MAF: variants seen among roughly 807,000 people sequenced by gnomAD.
MAF encodes transcription factor Maf.
In MAF, 10 loss-of-function variants were observed where a neutral mutation model predicts 22.0. That is an observed-to-expected ratio of 0.45 (90% CI 0.28 to 0.77). MAF has a LOEUF of 0.77. Among genes scored for constraint, MAF ranks in the 30% least tolerant of loss-of-function variants. The pLI, the probability that MAF is intolerant of heterozygous loss-of-function variation, is 0.12. For synonymous variants in MAF, 337 were observed against 255.8 expected (o/e 1.32, Z -3.03); for missense variants, 544 against 548.4 (o/e 0.99, Z 0.08).
the MAF span, among the ~76,000 whole-genome samples, chr16:79,368,127 T>G: frequency 1.3e-5 from 2 of 152,312 alleles, no homozygotes; most frequent in South Asian, 4.1e-4. Flanking sequence ...GAGAGGATCT[T>G]TGGCTCCAGA....
the MAF span, among the ~76,000 whole-genome samples, chr16:79,346,050 T>G: frequency 6.6e-6 from 1 of 152,148 alleles, no homozygotes; most frequent in Non-Finnish European, 1.5e-5. Context: ...TTTTATACTT[T>G]AAGTTCTAGG....
the MAF span, among the ~76,000 whole-genome samples, chr16:79,255,559 G>T: frequency 6.6e-6 from 1 of 152,174 alleles, no homozygotes; most frequent in African/African-American, 2.4e-5. Flanking sequence ...GCCAGAAGGG[G>T]CCTTGGAGCT....
chr16:79,557,115 C>T, the MAF span, among the ~76,000 whole-genome samples: 2 of 151,898 alleles, frequency 1.3e-5, no homozygotes, highest in East Asian at 1.9e-4. Context: ...ACCCAGCTCA[C>T]GTACAAGCTC....
downstream of MAF, among the ~76,000 whole-genome samples, chr16:79,582,416 C>A (rs557144236): frequency 2.6e-5 from 4 of 152,122 alleles, no homozygotes; most frequent in African/African-American, 9.7e-5. Flanking sequence ...TTTTTTATTT[C>A]TAAATGCTTA....
At chr16:79,530,645 T>G in the MAF span, among the ~76,000 whole-genome samples, 2 of 152,216 alleles carry the variant, frequency 1.3e-5, no homozygotes, top group Non-Finnish European at 2.9e-5. Context: ...GAAGAGTTTA[T>G]CTAATTATTG....
the MAF span, among the ~76,000 whole-genome samples, chr16:79,458,810 T>C: frequency 3.1e-3 from 469 of 152,308 alleles, 11 homozygotes; most frequent in Non-Finnish European, 6.0e-4. Flanking sequence ...ATGTCACCCT[T>C]TCCTTTCTTG....
At chr16:79,596,333 T>A in intron 1 of MAF, 1 of 1,059,808 alleles carries the variant, frequency 9.4e-7, no homozygotes, top group Non-Finnish European at 1.1e-6. Context: ...GCCTCCTCAC[T>A]TCAAAAAACA....
chr16:79,415,514 A>G, the MAF span, among the ~76,000 whole-genome samples: 560 of 152,280 alleles, frequency 3.7e-3, 7 homozygotes, highest in African/African-American at 0.013. Context: ...GTCCCCTTAA[A>G]TTAGGAATGG....
the MAF span, among the ~76,000 whole-genome samples, chr16:79,553,783 T>C: frequency 1.3e-5 from 2 of 152,114 alleles, no homozygotes; most frequent in African/African-American, 4.8e-5. Flanking sequence ...AACACTCTCA[T>C]CACTACTTAA....
At chr16:79,571,766 G>C in the MAF span, among the ~76,000 whole-genome samples, 1 of 152,046 alleles carries the variant, frequency 6.6e-6, no homozygotes. Context: ...GTCAAATCTA[G>C]ATTCACGAAG....
chr16:79,577,963 C>G, the MAF span, among the ~76,000 whole-genome samples: 1 of 152,120 alleles, frequency 6.6e-6, no homozygotes. Flanking sequence ...GTTCAATACC[C>G]TTGACATTGG....
the MAF span, among the ~76,000 whole-genome samples, chr16:79,567,387 A>C: frequency 6.6e-6 from 1 of 152,194 alleles, no homozygotes; most frequent in Non-Finnish European, 1.5e-5. Flanking sequence ...TTACTACCTT[A>C]GTTTGATTAT....
chr16:79,379,501 G>GCA, the MAF span, among the ~76,000 whole-genome samples: 3,493 of 149,708 alleles, frequency 0.023, 50 homozygotes, highest in Middle Eastern at 0.062. Flanking sequence ...TGGTGGAAGT[G>GCA]CACACACACA....
the MAF span, among the ~76,000 whole-genome samples, chr16:79,223,750 G>A: frequency 6.6e-6 from 1 of 152,130 alleles, no homozygotes; most frequent in African/African-American, 2.4e-5. Flanking sequence ...AAATAAACTA[G>A]AAAATCTAGA....
At chr16:79,392,132 G>T in the MAF span, among the ~76,000 whole-genome samples, 102 of 147,862 alleles carry the variant, frequency 6.9e-4, no homozygotes, top group Middle Eastern at 3.5e-3. Flanking sequence ...AGAAGAGAGG[G>T]AACTGGGGAG....
chr16:79,265,421 G>T, the MAF span, among the ~76,000 whole-genome samples: 1 of 151,964 alleles, frequency 6.6e-6, no homozygotes, highest in African/African-American at 2.4e-5. Context: ...CTTTCGCCAG[G>T]GTCCCGAATA....
chr16:79,509,757 G>T, the MAF span, among the ~76,000 whole-genome samples: 1 of 152,194 alleles, frequency 6.6e-6, no homozygotes, highest in African/African-American at 2.4e-5. Flanking sequence ...GCCTGGTTTT[G>T]ATATCACTCC....
At chr16:79,324,676 T>C in the MAF span, among the ~76,000 whole-genome samples, 1 of 152,176 alleles carries the variant, frequency 6.6e-6, no homozygotes, top group South Asian at 2.1e-4. Flanking sequence ...CCACCACCTC[T>C]ACAGAAAGGG....
chr16:79,240,141 G>A, the MAF span, among the ~76,000 whole-genome samples: 27 of 151,968 alleles, frequency 1.8e-4, 1 homozygote, highest in Non-Finnish European at 3.5e-4. Flanking sequence ...GTCCCATGGC[G>A]GGGGGTGTAA....
Sources: allele counts gnomAD v4.1 joint callset (sites outside exome capture counted in the v4.1 genomes callset), GRCh38; gene constraint gnomAD v4.1.1; transcripts MANE v1.5; gene names NCBI Gene and HGNC (gene_info 2026-07-23, HGNC 2026-07-21).